HSPG2: variants seen among roughly 807,000 people sequenced by gnomAD.
HSPG2 encodes the protein basement membrane-specific heparan sulfate proteoglycan core protein.
In HSPG2, 278 loss-of-function variants were observed where a neutral mutation model predicts 526.6. The ratio of observed to expected loss-of-function variants is 0.53; its 90% CI spans 0.48 to 0.58. The LOEUF is 0.58. Among genes scored for constraint, HSPG2 ranks in the 20% least tolerant of loss-of-function variants. The probability of loss-of-function intolerance (pLI) is 0.00; values close to 1 mark genes in which losing one functional copy is unlikely to be tolerated. For missense variants in HSPG2, 5,354 were observed against 6,099.5 expected (o/e 0.88, Z 4.07); for synonymous variants, 2,465 against 2,555.4 (o/e 0.96, Z 1.07).
At chr1:21,903,061 C>T (rs1643185061) in intron 1 of HSPG2, among the ~76,000 whole-genome samples, 1 of 152,180 alleles carries the variant, frequency 6.6e-6, no homozygotes, top group Non-Finnish European at 1.5e-5. Context: ...GCCCAACAGC[C>T]CTGAGGTGGA....
rs773364995 is a variant in HSPG2, at chr1:21,847,811, C to T, written c.7903G>A (p.Glu2635Lys). Residue 2635 changes from glutamate to lysine, a missense_variant, in exon 61 of 97, where the codon GAG becomes AAG. Physicochemically the swap from Glu to Lys is moderately conservative, Grantham distance 56. Coordinates refer to ENST00000374695, the MANE Select transcript of HSPG2 (RefSeq NM_005529.7). This position sits in a 1 kb window ranked among gnomAD's most constrained non-coding sequence, Gnocchi z 4.1. ...VPSVSPPIRIESSSPTVVEGQ... is the reference protein window; with the variant it reads ...VPSVSPPIRIKSSSPTVVEGQ... ...TCCACCACCGTGGGGGAAGACGACT[C>T]GATCCTGATCGGTGGGGAGACGCTG... 9.9e-6 allele frequency: 16 copies of T among 1,613,758 alleles called. No individual in the cohort carries two copies. Among genetic ancestry groups the T allele is most frequent in the African/African-American group, 1.3e-5 (1 of 74,906 alleles).
rs2097964494 is a variant in HSPG2, at chr1:21,824,724, A to G, written c.12645T>C (p.Pro4215=). 6.2e-7 allele frequency: 1 copy of G among 1,613,760 alleles called. No homozygotes were observed. The highest frequency in any genetic ancestry group is 8.5e-7 in the Non-Finnish European group (1 of 1,179,876). The change falls in exon 92 of 97, where the codon CCT becomes CCC. Residue 4215 remains proline (P), a synonymous_variant. Transcript: ENST00000374695. The surrounding 1 kb of genome is among the most constrained non-coding windows in gnomAD (Gnocchi z 5.9). ...CTCACCTCCTGGAGAAGACATGGCC[A>G]GGGAAGGCGAGGAAGCCATCATCGT... ...YFHDDGFLAF[P]GHVFSRSLPE...
rs1216068890 is a variant in HSPG2, at chr1:21,890,923, C to T, written c.245-229G>A. Among the ~76,000 whole-genome samples, 3 of 152,204 alleles carry T rather than the reference C, an allele frequency of 2.0e-5. No individual in the cohort carries two copies. The highest frequency in any genetic ancestry group is 6.5e-5 in the Admixed American group (1 of 15,276). On this transcript the variant is annotated intron_variant, in intron 3 of 96. Coordinates refer to ENST00000374695, the MANE Select transcript of HSPG2 (RefSeq NM_005529.7). This position sits in a 1 kb window ranked among gnomAD's most constrained non-coding sequence, Gnocchi z 4.1. ...GGGCTTTAACTAACAGGGGAAATGG[C>T]CTGATCCAGAAACCAAGTGCTAGTG...
chr1:21,851,522 C>A, intron 55 of HSPG2, 24 bp downstream of exon 55: 2 of 1,613,258 alleles, frequency 1.2e-6, no homozygotes, highest in Non-Finnish European at 1.7e-6. Flanking sequence ...CTCTTCTTGG[C>A]CTGTCTGTCC....
Position 21,864,742 on chromosome 1 carries a change from T to C in HSPG2, c.4626+101A>G. On this transcript the variant is annotated intron_variant, in intron 36 of 96. Transcript: ENST00000374695. This position sits in a 1 kb window ranked among gnomAD's most constrained non-coding sequence, Gnocchi z 4.8. ...ATGCAGGGCCCAGATGCAGGGGTCA[T>C]TATAGTTATGATGGTAATCAAGGCT... 1.1e-6 allele frequency: 1 copy of C among 949,424 alleles called. No individual in the cohort carries two copies. Among genetic ancestry groups the C allele is most frequent in the Non-Finnish European group, 1.6e-6 (1 of 607,350 alleles). 58.8% of individuals were successfully genotyped at this position (949,424 alleles called of 1,614,324 possible).
chr1:21,855,490 C>T, intron 46 of HSPG2, 33 bp downstream of exon 46: 1 of 1,612,006 alleles, frequency 6.2e-7, no homozygotes, highest in Non-Finnish European at 8.5e-7. Context: ...GCTGAGCACA[C>T]TCCCGGCCCC....
intron 55 of HSPG2, among the ~76,000 whole-genome samples, chr1:21,851,019 C>T (rs1638848857): frequency 6.7e-6 from 1 of 150,200 alleles, no homozygotes; most frequent in Admixed American, 6.6e-5. Context: ...GTTGCCCAGG[C>T]TGGAGTGCAA....
At chr1:21,894,309 C>T (rs1448964812) in intron 3 of HSPG2, among the ~76,000 whole-genome samples, 3 of 151,992 alleles carry the variant, frequency 2.0e-5, no homozygotes, top group African/African-American at 4.8e-5. Flanking sequence ...CTAGGCATGG[C>T]CCCATGACAG....
At chr1:21,857,470 G>T in intron 42 of HSPG2, 85 bp from the exon 43 acceptor site, 1 of 1,199,236 alleles carries the variant, frequency 8.3e-7, no homozygotes, top group Non-Finnish European at 1.2e-6. Flanking sequence ...ATAACCTCTA[G>T]GCATCACTTC....
chr1:21,921,979 C>T (rs1468273507), intron 1 of HSPG2, among the ~76,000 whole-genome samples: 1 of 152,128 alleles, frequency 6.6e-6, no homozygotes, highest in East Asian at 1.9e-4. Context: ...GACTTAGGGC[C>T]TTCCCATAGC....
rs377712679 is a variant in HSPG2 at position 21,854,698 on chromosome 1, T to G, written c.6201A>C (p.Thr2067=). ...SSSPSVTEGQ[T]LDLNCVVAGS... is the part of the protein sequence containing the mutation. ...CTGCCACCACACAGTTGAGGTCGAG[T>G]GTTTGCCCTTCTGTCACAGAAGGCG... Residue 2067 remains threonine, a synonymous_variant, in exon 49 of 97, where the codon ACA becomes ACC. Transcript: ENST00000374695. 21 of 1,611,824 alleles carry G rather than the reference T, an allele frequency of 1.3e-5. No homozygotes were observed. Among genetic ancestry groups the G allele is most frequent in the Non-Finnish European group, 1.7e-5 (20 of 1,179,212 alleles).
chr1:21,838,989 G>A lies in HSPG2; in HGVS notation c.9986C>T (p.Thr3329Ile), dbSNP rs776396782. The change falls in exon 74 of 97, where the codon ACC becomes ATC. Residue 3329 changes from threonine (T) to isoleucine (I), a missense_variant. Thr to Ile is a moderately conservative substitution (Grantham distance 89). Transcript: ENST00000374695. Reference sequence around the variant, plus strand: ...GCTGCCCACGCGGCTCCACTGGAAGGTGAGTGGGGGTGTCCCGTGAGCCAG... The same window carrying A: ...GCTGCCCACGCGGCTCCACTGGAAGATGAGTGGGGGTGTCCCGTGAGCCAG... ...QCLAHGTPPL[T>I]FQWSRVGSSL... 7.4e-6 allele frequency: 12 copies of A among 1,611,538 alleles called. No homozygotes were observed. Among genetic ancestry groups the A allele is most frequent in the Admixed American group, 5.0e-5 (3 of 59,968 alleles).
In HSPG2 at chr1:21,855,007, C is replaced by G. The variant is rs1336233715; in HGVS notation, c.5998-24G>C. 4 of 1,610,010 alleles carry G rather than the reference C, an allele frequency of 2.5e-6. No individual in the cohort carries two copies. In the South Asian group the frequency reaches 4.4e-5, roughly 18 times the overall value. ...GCCTGCCGTGGGTGAGATGGGTCAG[C>G]TGCCCCAGAGGCAGCTGGACAACGG... On this transcript the variant is annotated intron_variant, in intron 47 of 96. Transcript: ENST00000374695.
chr1:21,841,809 T>C (rs2098049702), intron 69 of HSPG2, 136 bp from the exon 70 acceptor site: 6 of 1,319,006 alleles, frequency 4.5e-6, no homozygotes, highest in Non-Finnish European at 6.4e-6. Flanking sequence ...GAGTCGCAGA[T>C]AGCAGAAAGT....
At chr1:21,884,193 C>A (rs534988185) in intron 13 of HSPG2, among the ~76,000 whole-genome samples, 7 of 152,258 alleles carry the variant, frequency 4.6e-5, no homozygotes, top group African/African-American at 1.7e-4. Context: ...CACCCCCCGA[C>A]TTTACAGATG....
At chr1:21,837,040 T>C (rs2098029244) in intron 74 of HSPG2, 34 bp from the exon 75 acceptor site, 2 of 1,529,882 alleles carry the variant, frequency 1.3e-6, no homozygotes, top group Non-Finnish European at 1.8e-6. Context: ...TGCAGGTATA[T>C]GTGTGTGTGA....
chr1:21,861,863 G>A lies in HSPG2; in HGVS notation c.4869-20C>T. ...GAAAACCTGGGATCGGGGAGGCAAA[G>A]GTCAGGTCATGGGAAGCCCAATCTC... On this transcript the variant is annotated intron_variant, in intron 38 of 96. Transcript: ENST00000374695. The A allele has an allele frequency of 6.2e-7, 1 of 1,613,648 alleles. No individual in the cohort carries two copies. The highest frequency in any genetic ancestry group is 8.5e-7 in the Non-Finnish European group (1 of 1,179,930).
Position 21,858,262 on chromosome 1 carries a change from A to G in HSPG2, c.5294-877T>C, listed in dbSNP as rs1011686878. 2.0e-5 allele frequency among the ~76,000 whole-genome samples: 3 copies of G among 152,040 alleles called. No homozygotes were observed. The highest frequency in any genetic ancestry group is 4.4e-5 in the Non-Finnish European group (3 of 68,010). On this transcript the variant is annotated intron_variant, in intron 42 of 96. Coordinates refer to ENST00000374695, the MANE Select transcript of HSPG2 (RefSeq NM_005529.7). This position sits in a 1 kb window ranked among gnomAD's most constrained non-coding sequence, Gnocchi z 4.2. ...GCCCTTATGTGACTTCCCAGCAGGG[A>G]GGCTGCCCTGAAAGCCCTTTTCCCT...
rs1642931091 is a variant in HSPG2, at chr1:21,898,892, G to A, written c.64-2582C>T. Among the ~76,000 whole-genome samples the A allele has an allele frequency of 6.6e-6, 1 of 152,268 alleles. No individual in the cohort carries two copies. Among genetic ancestry groups the A allele is most frequent in the African/African-American group, 2.4e-5 (1 of 41,478 alleles). ...AGGAAAACCTAGCGGTGAATGATGA[G>A]CAAGGTCCAGAGCTTTTCCCAGGGA... is the stretch of plus-strand genomic sequence containing the variant. On this transcript the variant is annotated intron_variant, in intron 1 of 96. Coordinates refer to ENST00000374695, the MANE Select transcript of HSPG2 (RefSeq NM_005529.7). The surrounding 1 kb of genome is among the most constrained non-coding windows in gnomAD (Gnocchi z 4.0).
Sources: allele counts gnomAD v4.1 joint callset (sites outside exome capture counted in the v4.1 genomes callset), GRCh38; gene constraint gnomAD v4.1.1; non-coding constraint Gnocchi (gnomAD v3.1); transcripts MANE v1.5; gene names NCBI Gene and HGNC (gene_info 2026-07-23, HGNC 2026-07-21).